The following LIPC variants were observed in gnomAD, a reference collection of about 807,000 sequenced individuals.
LIPC encodes lipase C, hepatic type.
Under a neutral mutation model 50.7 loss-of-function variants are expected in LIPC, and 44 were observed. The observed-to-expected ratio is 0.87, with a 90% CI of 0.68 to 1.11. The LOEUF is 1.11. Among genes scored for constraint, LIPC ranks in the 50% most tolerant of loss-of-function variants. The pLI is 0.00. For missense variants in LIPC, 697 were observed against 648.2 expected, an observed-to-expected ratio of 1.08 and a Z score of -0.82; for synonymous variants, 271 against 256.4, an observed-to-expected ratio of 1.06 and a Z score of -0.54.
chr15:58,466,257 T>G (rs536093569), intron 1 of LIPC, among the ~76,000 whole-genome samples: 62 of 152,366 alleles, frequency 4.1e-4, no homozygotes, highest in African/African-American at 1.4e-3. Context: ...GTGGTGTGAT[T>G]AGAACTCCTA....
chr15:58,495,245 G>A (rs953796417), intron 1 of LIPC, among the ~76,000 whole-genome samples: 11 of 152,304 alleles, frequency 7.2e-5, no homozygotes, highest in African/African-American at 2.2e-4. Flanking sequence ...ATTTAGTTCT[G>A]GTTTTGAAAG....
At chr15:58,543,044 T>TCC (rs1446082940) in intron 4 of LIPC, among the ~76,000 whole-genome samples, 3 of 152,232 alleles carry the variant, frequency 2.0e-5, no homozygotes, top group Non-Finnish European at 2.9e-5. Context: ...CGTTAGTGCC[T>TCC]CCGTTTCCAC....
intron 5 of LIPC, among the ~76,000 whole-genome samples, chr15:58,548,068 C>A (rs925992494): frequency 6.6e-6 from 1 of 152,124 alleles, no homozygotes; most frequent in South Asian, 2.1e-4. Flanking sequence ...TACTGTAACA[C>A]GCTGTCATAA....
chr15:58,451,109 T>C (rs768209575), intron 1 of LIPC, among the ~76,000 whole-genome samples: 1 of 152,146 alleles, frequency 6.6e-6, no homozygotes, highest in Non-Finnish European at 1.5e-5. Flanking sequence ...AAGCAATCGG[T>C]TGGGATTCAT....
intron 1 of LIPC, among the ~76,000 whole-genome samples, chr15:58,479,812 T>C (rs1274416679): frequency 1.3e-5 from 2 of 152,216 alleles, no homozygotes; most frequent in African/African-American, 4.8e-5. Flanking sequence ...CTTCACTCTC[T>C]AGCTGTTGGT....
At chr15:58,498,277 C>A (rs1891845226) in intron 1 of LIPC, among the ~76,000 whole-genome samples, 1 of 152,072 alleles carries the variant, frequency 6.6e-6, no homozygotes, top group South Asian at 2.1e-4. Context: ...CCCCACCTCG[C>A]AAGGATGTGG....
Position 58,540,601 on chromosome 15 carries a change from G to A in LIPC, c.274-1184G>A, listed in dbSNP as rs538168287. 6.6e-5 allele frequency among the ~76,000 whole-genome samples: 10 copies of A among 152,162 alleles called. No homozygotes were observed. In the South Asian group the frequency reaches 2.1e-3, roughly 32 times the overall value. ...CTGGAATGGCATGACAGGCCCTCAG[G>A]GGAGCTCTCCAGCTTCACCCGCTAT... On this transcript the variant is annotated intron_variant, in intron 2 of 8. Coordinates refer to ENST00000299022, the MANE Select transcript of LIPC (RefSeq NM_000236.3).
intron 1 of LIPC, among the ~76,000 whole-genome samples, chr15:58,472,016 T>C (rs1890826078): frequency 6.6e-6 from 1 of 152,102 alleles, no homozygotes; most frequent in Non-Finnish European, 1.5e-5. Context: ...ATGCCTGTAA[T>C]CCCAGCACTT....
intron 1 of LIPC, among the ~76,000 whole-genome samples, chr15:58,459,750 G>C (rs1334026503): frequency 6.6e-6 from 1 of 152,214 alleles, no homozygotes; most frequent in Non-Finnish European, 1.5e-5. Flanking sequence ...ATCCACACCC[G>C]TCCCCAAGGA....
At chr15:58,483,805 T>C (rs1413025376) in intron 1 of LIPC, among the ~76,000 whole-genome samples, 1 of 152,186 alleles carries the variant, frequency 6.6e-6, no homozygotes, top group Non-Finnish European at 1.5e-5. Context: ...AAAGTGCTTC[T>C]GAAGCAAGAA....
chr15:58,536,865 G>A (rs1383983869), intron 1 of LIPC, among the ~76,000 whole-genome samples: 3 of 152,178 alleles, frequency 2.0e-5, no homozygotes, highest in Non-Finnish European at 2.9e-5. Flanking sequence ...CCTTTGGGTA[G>A]GAAAATTGGT....
intron 1 of LIPC, among the ~76,000 whole-genome samples, chr15:58,491,346 G>A (rs1005917813): frequency 2.6e-5 from 4 of 152,200 alleles, no homozygotes; most frequent in African/African-American, 9.7e-5. Context: ...ACTCTCCCCA[G>A]ATGTGTCACC....
At chr15:58,462,963 G>A (rs192448890) in intron 1 of LIPC, among the ~76,000 whole-genome samples, 29 of 152,314 alleles carry the variant, frequency 1.9e-4, no homozygotes, top group Admixed American at 2.6e-4. Flanking sequence ...ATTGCTAAGT[G>A]GCCCCCAGAA....
At chr15:58,565,913 C>CAAAAAAA (rs55871337) in intron 8 of LIPC, 3 of 944,206 alleles carry the variant, frequency 3.2e-6, no homozygotes, top group African/African-American at 4.0e-5. Flanking sequence ...TCGGAGAATA[C>CAAAAAAA]AAAAAAAAAA....
intron 1 of LIPC, among the ~76,000 whole-genome samples, chr15:58,445,879 C>T (rs574368218): frequency 5.3e-5 from 8 of 152,292 alleles, no homozygotes; most frequent in East Asian, 3.9e-4. Flanking sequence ...AACGTGTGTA[C>T]GCATCTATTT....
chr15:58,567,667 T>C (rs1024927385), intron 8 of LIPC, among the ~76,000 whole-genome samples: 1 of 152,136 alleles, frequency 6.6e-6, no homozygotes, highest in African/African-American at 2.4e-5. Context: ...TAAAATGGAA[T>C]GTCATGAAGC....
intron 1 of LIPC, among the ~76,000 whole-genome samples, chr15:58,533,511 GA>G (rs1270366900): frequency 6.6e-6 from 1 of 152,146 alleles, no homozygotes; most frequent in Non-Finnish European, 1.5e-5. Context: ...TATACATAAA[GA>G]ATATCATCAG....
chr15:58,465,297 T>A (rs1894510444), intron 1 of LIPC, among the ~76,000 whole-genome samples: 1 of 152,234 alleles, frequency 6.6e-6, no homozygotes, highest in Non-Finnish European at 1.5e-5. Flanking sequence ...GATTGATGGA[T>A]ATTTACTTAT....
At chr15:58,447,147 C>CAAAA (rs34289431) in intron 1 of LIPC, among the ~76,000 whole-genome samples, 14 of 62,298 alleles carry the variant, frequency 2.2e-4, no homozygotes, top group African/African-American at 5.2e-4. Context: ...GACTCCATCT[C>CAAAA]AAAAAAAAAA....
Sources: allele counts gnomAD v4.1 joint callset (sites outside exome capture counted in the v4.1 genomes callset), GRCh38; gene constraint gnomAD v4.1.1; transcripts MANE v1.5; gene names NCBI Gene and HGNC (gene_info 2026-07-23, HGNC 2026-07-21).